Variants in CDH12 observed in about 807,000 individuals in gnomAD.
CDH12 encodes cadherin-12.
In CDH12, 41 loss-of-function variants were observed where a neutral mutation model predicts 74.1. The ratio of observed to expected loss-of-function variants is 0.55; its 90% CI spans 0.43 to 0.72. CDH12 has a LOEUF of 0.72. CDH12 is among the 30% of genes least tolerant of loss of function. The probability of loss-of-function intolerance (pLI) is 0.00; values close to 1 mark genes in which losing one functional copy is unlikely to be tolerated. For missense variants in CDH12, 945 were observed against 977.2 expected, an observed-to-expected ratio of 0.97 and a Z score of 0.44; for synonymous variants, 399 against 355.0, an observed-to-expected ratio of 1.12 and a Z score of -1.39.
At chr5:22,761,620 A>T (rs1431553337) in intron 1 of CDH12, among the ~76,000 whole-genome samples, 1 of 152,198 alleles carries the variant, frequency 6.6e-6, no homozygotes, top group Middle Eastern at 3.2e-3. Flanking sequence ...GTGCAAACTA[A>T]TAAATATTTT....
chr5:22,464,240 C>T (rs545751677), intron 2 of CDH12, among the ~76,000 whole-genome samples: 2 of 152,180 alleles, frequency 1.3e-5, no homozygotes, highest in African/African-American at 4.8e-5. Flanking sequence ...CCCAGCCACG[C>T]AGAACTGCAA....
At chr5:21,838,610 A>AT (rs1749671547) in intron 8 of CDH12, among the ~76,000 whole-genome samples, 1 of 152,138 alleles carries the variant, frequency 6.6e-6, no homozygotes, top group South Asian at 2.1e-4. Flanking sequence ...TATCCTCTAC[A>AT]TTTTTTGCAA....
At chr5:22,162,847 A>G (rs1185437970) in intron 4 of CDH12, among the ~76,000 whole-genome samples, 1 of 147,950 alleles carries the variant, frequency 6.8e-6, no homozygotes, top group African/African-American at 2.5e-5. Flanking sequence ...TATGCAGGCT[A>G]TTCCTCTGCA....
At chr5:22,376,516 A>G (rs536408393) in intron 3 of CDH12, among the ~76,000 whole-genome samples, 2 of 152,076 alleles carry the variant, frequency 1.3e-5, no homozygotes, top group African/African-American at 2.4e-5. Context: ...ACATACCCTG[A>G]CTTGATCATT....
chr5:22,724,483 A>C (rs1232647086), intron 1 of CDH12, among the ~76,000 whole-genome samples: 4 of 151,900 alleles, frequency 2.6e-5, no homozygotes, highest in Non-Finnish European at 5.9e-5. Flanking sequence ...ACCATATGAC[A>C]TTTAGTTTTC....
intron 2 of CDH12, among the ~76,000 whole-genome samples, chr5:22,495,685 C>T (rs955912427): frequency 2.0e-5 from 3 of 152,078 alleles, no homozygotes; most frequent in Non-Finnish European, 4.4e-5. Context: ...AAGTAATTCA[C>T]AGCGCAAAAA....
At chr5:22,022,230 G>C (rs1738034161) in intron 5 of CDH12, among the ~76,000 whole-genome samples, 2 of 152,132 alleles carry the variant, frequency 1.3e-5, no homozygotes, top group Non-Finnish European at 2.9e-5. Context: ...AATTCCCAGT[G>C]TTGGGGAAGG....
At chr5:22,725,214 G>A (rs909567041) in intron 1 of CDH12, among the ~76,000 whole-genome samples, 3 of 151,722 alleles carry the variant, frequency 2.0e-5, no homozygotes, top group African/African-American at 7.3e-5. Context: ...TAATTTAGTG[G>A]TTTGTGTTTT....
At chr5:22,287,741 A>T in intron 3 of CDH12, among the ~76,000 whole-genome samples, 1 of 140,524 alleles carries the variant, frequency 7.1e-6, no homozygotes, top group South Asian at 2.3e-4. Flanking sequence ...AAAAAAAAAA[A>T]TGTATAACAA....
intron 1 of CDH12, among the ~76,000 whole-genome samples, chr5:22,795,609 A>T (rs1302774399): frequency 2.0e-4 from 30 of 151,460 alleles, no homozygotes; most frequent in Admixed American, 2.0e-3. Context: ...ACACACACAC[A>T]AACACACATC....
At chr5:22,142,613 C>A (rs1051223149) in intron 4 of CDH12, 1 of 494,482 alleles carries the variant, frequency 2.0e-6, no homozygotes, top group Non-Finnish European at 3.7e-6. Flanking sequence ...TCAATTCTTA[C>A]ATCCTACCAT....
chr5:22,073,017 A>G (rs1300683841), intron 5 of CDH12, among the ~76,000 whole-genome samples: 1 of 152,088 alleles, frequency 6.6e-6, no homozygotes, highest in African/African-American at 2.4e-5. Context: ...GATCAGTCAT[A>G]GTGTTCTTTT....
intron 1 of CDH12, among the ~76,000 whole-genome samples, chr5:22,803,750 C>T (rs1748648612): frequency 6.6e-6 from 1 of 152,144 alleles, no homozygotes; most frequent in Admixed American, 6.5e-5. Flanking sequence ...GTTTGGAAGC[C>T]TTCCTGCTCT....
At chr5:21,800,794 TAGTG>T (rs1161476373) in intron 10 of CDH12, among the ~76,000 whole-genome samples, 7 of 152,192 alleles carry the variant, frequency 4.6e-5, no homozygotes, top group Non-Finnish European at 8.8e-5. Context: ...TTGCTCATGA[TAGTG>T]AGTGAGTTCT....
At chr5:22,662,944 C>G (rs1466102473) in intron 1 of CDH12, among the ~76,000 whole-genome samples, 1 of 152,206 alleles carries the variant, frequency 6.6e-6, no homozygotes. Context: ...CTCATTTTCT[C>G]TGCTCTAAAT....
chr5:22,131,765 TAGCTCCCTCTCA>T (rs1251549301), intron 4 of CDH12, among the ~76,000 whole-genome samples: 3 of 152,156 alleles, frequency 2.0e-5, no homozygotes, highest in Non-Finnish European at 4.4e-5. Flanking sequence ...CATTCATCTA[TAGCTCCCTCTCA>T]ATTTACAGAA....
intron 5 of CDH12, among the ~76,000 whole-genome samples, chr5:22,076,721 A>T (rs1742340396): frequency 6.6e-6 from 1 of 152,198 alleles, no homozygotes; most frequent in South Asian, 2.1e-4. Flanking sequence ...ATATAAGCAG[A>T]AGCTTTATGC....
chr5:22,793,690 G>A (rs983329783), intron 1 of CDH12, among the ~76,000 whole-genome samples: 1 of 151,106 alleles, frequency 6.6e-6, no homozygotes, highest in African/African-American at 2.4e-5. Flanking sequence ...TCTTAAAAAT[G>A]TTTGCATAAG....
intron 2 of CDH12, among the ~76,000 whole-genome samples, chr5:22,478,417 C>CAAAA (rs34576542): frequency 3.6e-4 from 32 of 88,228 alleles, no homozygotes; most frequent in South Asian, 1.4e-3. Context: ...GACTCCGTCT[C>CAAAA]AAAAAAAAAA....
Sources: gnomAD v4.1 joint callset for allele counts (sites outside exome capture counted in the v4.1 genomes callset) on GRCh38, gnomAD v4.1.1 for gene constraint, MANE v1.5 for transcripts, NCBI Gene and HGNC (gene_info 2026-07-23, HGNC 2026-07-21) for gene names.